RAPGEF2: variants seen among roughly 807,000 people sequenced by gnomAD.
RAPGEF2 encodes PDZ domain containing guanine nucleotide exchange factor (GEF) 1.
Under a neutral mutation model 186.7 loss-of-function variants are expected in RAPGEF2, and 54 were observed. That is an observed-to-expected ratio of 0.29 (90% CI 0.23 to 0.36). The LOEUF (loss-of-function observed/expected upper bound fraction) is 0.36. Among genes scored for constraint, RAPGEF2 ranks in the 10% least tolerant of loss-of-function variants. The pLI is 1.00. For missense variants in RAPGEF2, 1,532 were observed against 2,045.0 expected (o/e 0.75, Z 4.84); for synonymous variants, 712 against 705.9 (o/e 1.01, Z -0.14).
chr4:159,271,551 G>A (rs1253090110), intron 7 of RAPGEF2, among the ~76,000 whole-genome samples: 3 of 152,158 alleles, frequency 2.0e-5, no homozygotes, highest in Admixed American at 2.0e-4. Context: ...AGATTAAAAA[G>A]AATTTTTTTC....
At chr4:159,255,679 G>A (rs546536652) in intron 7 of RAPGEF2, among the ~76,000 whole-genome samples, 4 of 152,050 alleles carry the variant, frequency 2.6e-5, no homozygotes, top group Non-Finnish European at 5.9e-5. Context: ...ATAGGTTCTT[G>A]CATTGTTTTT....
At chr4:159,195,875 G>GTTTTTT (rs34827512) in intron 3 of RAPGEF2, among the ~76,000 whole-genome samples, 22 of 94,222 alleles carry the variant, frequency 2.3e-4, no homozygotes, top group East Asian at 4.4e-4. Flanking sequence ...AAACATACCT[G>GTTTTTT]TTTTTTTTTT....
Position 159,304,437 on chromosome 4 carries a change from T to A in RAPGEF2, c.639T>A (p.Ser213Arg). 1 of 1,605,142 alleles carries A rather than the reference T, an allele frequency of 6.2e-7. No homozygotes were observed. The highest frequency in any genetic ancestry group is 8.5e-7 in the Non-Finnish European group (1 of 1,172,206). Residue 213 changes from serine to arginine, a missense_variant, in exon 8 of 30, where the codon AGT becomes AGA. By Grantham distance (110) the Ser-to-Arg change is moderately radical. This residue lies in a region of RAPGEF2 where 810 missense variants were observed against 1,210.5 expected (regional missense o/e 0.67). Transcript: ENST00000691494. Reference protein sequence around the residue: ...SSSHSGCSITSDSGSSSLSDI... With the variant: ...SSSHSGCSITRDSGSSSLSDI... ...GCCATTCAGGATGTAGTATCACTAGTGATTCTGGGAGCAGCAGTCTTTCTG... is the reference window on the plus strand; with the variant it reads ...GCCATTCAGGATGTAGTATCACTAGAGATTCTGGGAGCAGCAGTCTTTCTG...
intron 1 of RAPGEF2, among the ~76,000 whole-genome samples, chr4:159,152,151 G>T (rs1271801770): frequency 8.6e-5 from 13 of 151,988 alleles, no homozygotes; most frequent in Non-Finnish European, 1.8e-4. Flanking sequence ...GCAAAACCTC[G>T]TCTCTACAAA....
At chr4:159,330,549 G>C in intron 13 of RAPGEF2, 51 bp downstream of exon 13, 4 of 1,334,522 alleles carry the variant, frequency 3.0e-6, no homozygotes, top group Non-Finnish European at 4.2e-6. Flanking sequence ...TAAACCTAAA[G>C]ATACTTTAAT....
intron 24 of RAPGEF2, among the ~76,000 whole-genome samples, chr4:159,345,851 G>T (rs1274330365): frequency 2.7e-5 from 4 of 146,274 alleles, no homozygotes; most frequent in African/African-American, 1.0e-4. Context: ...AAATGGGGCA[G>T]TTTTTTTTTT....
chr4:159,332,370 C>T (rs2111209457), intron 16 of RAPGEF2, 81 bp from the exon 17 acceptor site: 4 of 1,422,046 alleles, frequency 2.8e-6, no homozygotes, highest in Non-Finnish European at 3.8e-6. Flanking sequence ...TCATATATTT[C>T]CAAGTTCCAC....
rs770649125 is a variant in RAPGEF2, at chr4:159,323,491, T to C, written c.1023T>C (p.Ser341=). ...LDSWSVILNG[S]VEVTYPDGKA... is the part of the protein sequence containing the mutation. Reference sequence around the variant, plus strand: ...CCTGGTCAGTGATTCTCAATGGATCTGTGGAAGTGACTTATCCAGATGGAA... The same window carrying C: ...CCTGGTCAGTGATTCTCAATGGATCCGTGGAAGTGACTTATCCAGATGGAA... The change falls in exon 11 of 30, where the codon TCT becomes TCC. Residue 341 remains serine, a synonymous_variant. Transcript: ENST00000691494. The C allele has an allele frequency of 1.9e-6, 3 of 1,611,288 alleles. No homozygotes were observed. In the South Asian group the frequency reaches 3.3e-5, roughly 18 times the overall value.
intron 4 of RAPGEF2, among the ~76,000 whole-genome samples, chr4:159,220,012 C>G (rs540804513): frequency 1.3e-5 from 2 of 152,284 alleles, no homozygotes; most frequent in South Asian, 4.1e-4. Flanking sequence ...TTCACTTTGT[C>G]TAGTGCTGCA....
rs867659497 is a variant in RAPGEF2 at position 159,199,173 on chromosome 4, G to A, written c.197+5917G>A. 7.9e-5 allele frequency among the ~76,000 whole-genome samples: 12 copies of A among 151,824 alleles called. 1 individual carries two copies. The highest frequency in any genetic ancestry group is 3.4e-3 in the Middle Eastern group (1 of 290). ...TAGGACACGGGTGCTCAACCACCTC[G>A]CCTGTATGTAAGTATGAGAATTCAA... On this transcript the variant is annotated intron_variant, in intron 3 of 29. Transcript: ENST00000691494.
chr4:159,180,128 A>T (rs1417319435), intron 1 of RAPGEF2, among the ~76,000 whole-genome samples: 1 of 152,218 alleles, frequency 6.6e-6, no homozygotes, highest in Non-Finnish European at 1.5e-5. Flanking sequence ...TTAGGAAAGG[A>T]TAAGAAAACT....
chr4:159,238,723 A>T lies in RAPGEF2; in HGVS notation c.282-86A>T, dbSNP rs953688278. The stretch of plus-strand genomic sequence containing the variant: ...TTGTAATTGTTTTTAATTTTTATTT[A>T]TCAGGAAGTTTGGCTTATGTTCACA... On this transcript the variant is annotated intron_variant, in intron 4 of 29. Transcript: ENST00000691494. 2.8e-5 allele frequency: 24 copies of T among 863,178 alleles called. No homozygotes were observed. The African/African-American group carries it at 3.8e-4, about 14-fold the overall frequency. The allele number at this position is 863,178 out of a possible 1,614,324, so 53.5% of individuals were successfully genotyped here. A position where few individuals can be genotyped will look rare whatever the true frequency, so the allele number is the denominator to read the frequency against.
rs1473433122 is a variant in RAPGEF2 at position 159,193,228 on chromosome 4, A to C, written c.169A>C (p.Arg57=). The change falls in exon 3 of 30, where the codon AGA becomes CGA. Residue 57 remains arginine, a synonymous_variant. Transcript: ENST00000691494. ...AATGTGTGAAACTGTGAGATATGAG[A>C]GACACGAAGCAAATGAAGTTTTATA... The part of the protein sequence containing the change: ...RLMCETVRYE[R]HEANEVLYYP... The C allele has an allele frequency of 3.3e-6, 5 of 1,505,094 alleles. No individual in the cohort carries two copies. Among genetic ancestry groups the C allele is most frequent in the Non-Finnish European group, 4.4e-6 (5 of 1,131,372 alleles). 93.2% of individuals were successfully genotyped at this position (1,505,094 alleles called of 1,614,324 possible). A position where few individuals can be genotyped will look rare whatever the true frequency, so the allele number is the denominator to read the frequency against.
chr4:159,306,239 TATTA>T (rs1763279121), intron 8 of RAPGEF2, among the ~76,000 whole-genome samples: 1 of 152,152 alleles, frequency 6.6e-6, no homozygotes, highest in East Asian at 1.9e-4. Flanking sequence ...ATTTTAATGA[TATTA>T]ATTCTTTCAA....
chr4:159,304,565 T>C lies in RAPGEF2; in HGVS notation c.675+92T>C, dbSNP rs1164304561. The C allele has an allele frequency of 5.8e-6, 7 of 1,204,882 alleles. No homozygotes were observed. In the East Asian group the frequency reaches 9.7e-5, roughly 17 times the overall value. 74.6% of individuals were successfully genotyped at this position (1,204,882 alleles called of 1,614,324 possible). ...GCTGATAGAATCTATAAAATAAATATATGTGTATATTACATGTGCATGTAA... is the reference window on the plus strand; with the variant it reads ...GCTGATAGAATCTATAAAATAAATACATGTGTATATTACATGTGCATGTAA... On this transcript the variant is annotated intron_variant, in intron 8 of 29. Coordinates refer to ENST00000691494, the MANE Select transcript of RAPGEF2 (RefSeq NM_001394067.2).
At chr4:159,296,845 T>G (rs1762087327) in intron 7 of RAPGEF2, among the ~76,000 whole-genome samples, 1 of 152,244 alleles carries the variant, frequency 6.6e-6, no homozygotes, top group African/African-American at 2.4e-5. Context: ...GAAGTTCATG[T>G]AGGTTTCCTT....
chr4:159,308,405 T>C (rs991890096), intron 8 of RAPGEF2, among the ~76,000 whole-genome samples: 8 of 152,228 alleles, frequency 5.3e-5, no homozygotes, highest in African/African-American at 1.7e-4. Flanking sequence ...ACTTCTGTTG[T>C]CTTTGAATCT....
chr4:159,351,304 T>G, intron 26 of RAPGEF2: 1 of 1,063,004 alleles, frequency 9.4e-7, no homozygotes, highest in Non-Finnish European at 1.3e-6. Flanking sequence ...TTCTGAAACT[T>G]TTTTTTTTTT....
intron 7 of RAPGEF2, among the ~76,000 whole-genome samples, chr4:159,275,171 C>G (rs1758690133): frequency 6.6e-6 from 1 of 151,816 alleles, no homozygotes; most frequent in Non-Finnish European, 1.5e-5. Context: ...CATCCACTGT[C>G]TATATTTCTT....
Sources: allele counts gnomAD v4.1 joint callset (sites outside exome capture counted in the v4.1 genomes callset), GRCh38; gene constraint gnomAD v4.1.1; regional missense constraint gnomAD v4.1.1; transcripts MANE v1.5; gene names NCBI Gene and HGNC (gene_info 2026-07-23, HGNC 2026-07-21).